The following HSPA12A variants were observed in gnomAD, a reference collection of about 807,000 sequenced individuals.
The protein encoded by HSPA12A is heat shock protein family A (Hsp70) member 12A.
HSPA12A carries 28 observed loss-of-function variants against 69.2 expected under a neutral mutation model. The observed-to-expected ratio is 0.40, with a 90% CI of 0.30 to 0.55. HSPA12A has a LOEUF of 0.55. Ranked by LOEUF, HSPA12A falls within the 20% of genes least tolerant of loss-of-function variation. HSPA12A has a pLI of 0.38. For missense variants in HSPA12A, 686 were observed against 900.7 expected (o/e 0.76, Z 3.05); for synonymous variants, 345 against 370.5 (o/e 0.93, Z 0.79).
chr10:116,826,989 A>C (rs187177132), intron 2 of HSPA12A, among the ~76,000 whole-genome samples: 92 of 152,320 alleles, frequency 6.0e-4, no homozygotes, highest in African/African-American at 2.1e-3. Flanking sequence ...TAGACTAGTA[A>C]GTGGCAAGCC....
intron 2 of HSPA12A, among the ~76,000 whole-genome samples, chr10:116,811,957 C>T (rs745543674): frequency 9.2e-5 from 14 of 152,244 alleles, no homozygotes; most frequent in Middle Eastern, 3.4e-3. Context: ...GCAGTCACCC[C>T]GATGTGGCCA....
At chr10:116,776,846 T>G (rs1589699687) in intron 2 of HSPA12A, among the ~76,000 whole-genome samples, 1 of 152,260 alleles carries the variant, frequency 6.6e-6, no homozygotes. Flanking sequence ...AAAAGTTTGA[T>G]GCAAATATGA....
chr10:116,742,407 C>T, intron 1 of HSPA12A, 23 bp downstream of exon 1: 1 of 1,432,266 alleles, frequency 7.0e-7, no homozygotes. Context: ...GCCGCGGCCG[C>T]AGGACCCGCA....
intron 1 of HSPA12A, among the ~76,000 whole-genome samples, chr10:116,719,839 G>A (rs1442541814): frequency 6.6e-6 from 1 of 152,172 alleles, no homozygotes; most frequent in Non-Finnish European, 1.5e-5. Flanking sequence ...CAGCCAGCAA[G>A]TCCCTGTCAC....
At chr10:116,787,693 C>T (rs1028439821) in intron 2 of HSPA12A, among the ~76,000 whole-genome samples, 1 of 152,012 alleles carries the variant, frequency 6.6e-6, no homozygotes, top group African/African-American at 2.4e-5. Context: ...ACTTGCTTCC[C>T]CCTTTTGTGT....
intron 9 of HSPA12A, 27 bp from the exon 10 acceptor site, chr10:116,679,788 A>G (rs904549897): frequency 1.3e-5 from 21 of 1,607,644 alleles, no homozygotes; most frequent in Non-Finnish European, 1.8e-5. Context: ...AAGGGAGGCC[A>G]TGGTGTTAAA....
intron 2 of HSPA12A, among the ~76,000 whole-genome samples, chr10:116,792,797 G>T (rs993257084): frequency 2.2e-5 from 3 of 136,188 alleles, no homozygotes; most frequent in East Asian, 4.1e-4. Flanking sequence ...TCTCAAAAAA[G>T]AAAAGAAAAG....
chr10:116,808,061 C>T (rs1404073603), intron 2 of HSPA12A, among the ~76,000 whole-genome samples: 9 of 152,158 alleles, frequency 5.9e-5, no homozygotes, highest in African/African-American at 1.4e-4. Flanking sequence ...TTTCTGAGGA[C>T]GCTGGTCCCC....
At chr10:116,796,948 G>A (rs976404125) in intron 2 of HSPA12A, among the ~76,000 whole-genome samples, 7 of 152,064 alleles carry the variant, frequency 4.6e-5, no homozygotes, top group Admixed American at 3.9e-4. Flanking sequence ...GGTTACTTGG[G>A]GCCCCCTCCA....
In HSPA12A at chr10:116,756,272, G is replaced by A. The variant is rs569419762; in HGVS notation, c.92-48987C>T. 1.3e-4 allele frequency among the ~76,000 whole-genome samples: 20 copies of A among 152,308 alleles called. No homozygotes were observed. In the South Asian group the frequency reaches 4.1e-3, roughly 32 times the overall value. On this transcript the variant is annotated intron_variant, in intron 2 of 12. Transcript: ENST00000635765. The stretch of plus-strand genomic sequence containing the variant: ...GTATCCTAACTCTACTGTCACTCTG[G>A]CTCTCGCCATTTGATTTGGCTCCTA...
intron 1 of HSPA12A, among the ~76,000 whole-genome samples, chr10:116,732,173 C>G (rs553501118): frequency 1.3e-5 from 2 of 151,840 alleles, no homozygotes; most frequent in South Asian, 4.2e-4. Context: ...TCTACTAAAA[C>G]TACAAAATTA....
At position 116,674,298 on chromosome 10, in the gene HSPA12A, G is replaced by C. The variant is rs1554877178; in HGVS notation, c.*483C>G. Reference sequence around the variant, plus strand: ...ACTTTTAATCACATGATGAGGAAAAGAAATTAACTGCAGATGGGTGGCATT... The same window carrying C: ...ACTTTTAATCACATGATGAGGAAAACAAATTAACTGCAGATGGGTGGCATT... On this transcript the variant is annotated 3_prime_UTR_variant, in exon 12 of 12. Transcript: ENST00000369209. The C allele has an allele frequency of 6.2e-6, 1 of 162,546 alleles. No homozygotes were observed. Among genetic ancestry groups the C allele is most frequent in the Non-Finnish European group, 1.4e-5 (1 of 73,350 alleles). The allele number at this position is 162,546 out of a possible 1,614,324, so 10.1% of individuals were successfully genotyped here.
intron 2 of HSPA12A, among the ~76,000 whole-genome samples, chr10:116,756,041 T>C (rs1289710244): frequency 1.3e-5 from 2 of 152,082 alleles, no homozygotes; most frequent in African/African-American, 4.8e-5. Context: ...TAAATAATGA[T>C]GATAACCACT....
At chr10:116,747,127 A>G (rs1340989052), upstream of HSPA12A, among the ~76,000 whole-genome samples, 1 of 152,104 alleles carries the variant, frequency 6.6e-6, no homozygotes, top group African/African-American at 2.4e-5. Context: ...CATCCTCCCC[A>G]CCTCACTGGT....
At chr10:116,694,741 G>A (rs1849836827) in intron 5 of HSPA12A, among the ~76,000 whole-genome samples, 1 of 152,082 alleles carries the variant, frequency 6.6e-6, no homozygotes, top group Non-Finnish European at 1.5e-5. Context: ...TCCTCACGTG[G>A]CCTCCTGGGC....
chr10:116,825,733 G>C (rs967304911), intron 2 of HSPA12A, among the ~76,000 whole-genome samples: 1 of 152,122 alleles, frequency 6.6e-6, no homozygotes, highest in Non-Finnish European at 1.5e-5. Context: ...CTGCTAATGG[G>C]TATAAGGGTT....
intron 1 of HSPA12A, among the ~76,000 whole-genome samples, chr10:116,847,345 T>A (rs1845907914): frequency 1.3e-5 from 2 of 152,196 alleles, no homozygotes; most frequent in Non-Finnish European, 2.9e-5. Flanking sequence ...CATATACTAT[T>A]TTCTGCCTCT....
At chr10:116,758,940 G>A (rs1319507850) in intron 2 of HSPA12A, among the ~76,000 whole-genome samples, 1 of 152,128 alleles carries the variant, frequency 6.6e-6, no homozygotes, top group African/African-American at 2.4e-5. Flanking sequence ...GGAAGTTCAA[G>A]GTCAGAAGGA....
At chr10:116,682,908 G>C (rs1287222658) in intron 7 of HSPA12A, among the ~76,000 whole-genome samples, 6 of 144,546 alleles carry the variant, frequency 4.2e-5, no homozygotes, top group African/African-American at 1.3e-4. Flanking sequence ...GTAGAGACGG[G>C]GTTTCACCGT....
Sources: allele counts gnomAD v4.1 joint callset (sites outside exome capture counted in the v4.1 genomes callset), GRCh38; gene constraint gnomAD v4.1.1; transcripts MANE v1.5; gene names NCBI Gene and HGNC (gene_info 2026-07-23, HGNC 2026-07-21).